Variants in PRSS57 observed in about 807,000 individuals in gnomAD.
The protein encoded by PRSS57 is serine protease 57, also known as neutrophil serine protease 4.
PRSS57 carries 19 observed loss-of-function variants against 20.6 expected under a neutral mutation model. That is an observed-to-expected ratio of 0.92 (90% CI 0.64 to 1.35). PRSS57 has a LOEUF of 1.35. Ranked by LOEUF, PRSS57 falls within the 40% of genes most tolerant of loss-of-function variation. The pLI is 0.00. For synonymous variants in PRSS57, 203 were observed against 176.6 expected (o/e 1.15, Z -1.19); for missense variants, 440 against 403.7 (o/e 1.09, Z -0.77).
intron 2 of PRSS57, among the ~76,000 whole-genome samples, chr19:692,958 C>T (rs900264314): frequency 6.6e-6 from 1 of 150,464 alleles, no homozygotes; most frequent in African/African-American, 2.4e-5. Context: ...GACGGAGTCT[C>T]GCTCTGTCAC....
rs2031450438 is a variant in PRSS57, at chr19:685,684, G to A, written c.*32C>T. 4 of 1,489,830 alleles carry A rather than the reference G, an allele frequency of 2.7e-6. No homozygotes were observed. Among genetic ancestry groups the A allele is most frequent in the Non-Finnish European group, 3.6e-6 (4 of 1,108,022 alleles). The allele number at this position is 1,489,830 out of a possible 1,614,324, so 92.3% of individuals were successfully genotyped here. A position where few individuals can be genotyped will look rare whatever the true frequency, so the allele number is the denominator to read the frequency against. On this transcript the variant is annotated 3_prime_UTR_variant, in exon 5 of 5. Coordinates refer to ENST00000329267, the MANE Select transcript of PRSS57 (RefSeq NM_001308209.2). ...CACGGAACATTCCAGGCCTGGAGCG[G>A]CCATCTCATTTGCATGCCGCAAGGT...
rs2031453097 is a variant in PRSS57, at chr19:685,740, G to A, written c.825C>T (p.Thr275=). ...SPQPGPLPGT[T]RPPGEAA ...CTCAGGCGGCTTCTCCTGGGGGCCT[G>A]GTGGTCCCAGGCAGGGGGCCGGGCT... The change falls in exon 5 of 5, where the codon ACC becomes ACT. Residue 275 remains threonine, a synonymous_variant. Transcript: ENST00000329267. 1 of 1,553,938 alleles carries A rather than the reference G, an allele frequency of 6.4e-7. No individual in the cohort carries two copies.
chr19:689,804 G>T (rs117447804), intron 3 of PRSS57, among the ~76,000 whole-genome samples: 1 of 152,086 alleles, frequency 6.6e-6, no homozygotes, highest in Admixed American at 6.6e-5. Context: ...CCGTGATCCC[G>T]ACACTTTGGG....
chr19:686,698 T>C (rs2031482712), intron 4 of PRSS57, among the ~76,000 whole-genome samples: 1 of 152,138 alleles, frequency 6.6e-6, no homozygotes. Flanking sequence ...ATACTGCTTG[T>C]ATAAATACAC....
At chr19:690,562 C>T (rs1219073560) in intron 3 of PRSS57, 2 of 261,492 alleles carry the variant, frequency 7.6e-6, no homozygotes, top group African/African-American at 2.3e-5. Context: ...GTCTCTTCTC[C>T]CTGCCCATCA....
intron 1 of PRSS57, 56 bp downstream of exon 1, chr19:695,296 G>T: frequency 2.3e-6 from 2 of 877,904 alleles, no homozygotes; most frequent in Non-Finnish European, 3.0e-6. Context: ...CCCGGGTGTG[G>T]CCCCCGTACG....
At chr19:691,645 C>A (rs879423139) in intron 3 of PRSS57, among the ~76,000 whole-genome samples, 6 of 151,730 alleles carry the variant, frequency 4.0e-5, no homozygotes, top group Non-Finnish European at 7.4e-5. Flanking sequence ...CATGGTGAAA[C>A]CCCGTCTCTA....
chr19:691,047 C>A, intron 3 of PRSS57: 1 of 312,966 alleles, frequency 3.2e-6, no homozygotes, highest in South Asian at 3.7e-5. Context: ...TCTCTAAGAC[C>A]TACAGCTGCC....
rs556263286 is a variant in PRSS57 at position 685,646 on chromosome 19, C to G, written c.*70G>C. ...CCCCAACCCTGAACATCAGGCTTCCCGTGGGGCCCAGCCACGGAACATTCC... is the reference window on the plus strand; with the variant it reads ...CCCCAACCCTGAACATCAGGCTTCCGGTGGGGCCCAGCCACGGAACATTCC... On this transcript the variant is annotated 3_prime_UTR_variant, in exon 5 of 5. Coordinates refer to ENST00000329267, the MANE Select transcript of PRSS57 (RefSeq NM_001308209.2). The G allele has an allele frequency of 4.2e-5, 59 of 1,417,766 alleles. 2 individuals carry two copies. In the East Asian group the frequency reaches 1.4e-3, roughly 33 times the overall value. 87.8% of individuals were successfully genotyped at this position (1,417,766 alleles called of 1,614,324 possible).
chr19:688,894 C>T (rs1475866088), intron 3 of PRSS57, among the ~76,000 whole-genome samples: 2 of 152,094 alleles, frequency 1.3e-5, no homozygotes, highest in Non-Finnish European at 2.9e-5. Flanking sequence ...CCACCACGCC[C>T]GGCCCCACAC....
rs1407842636 is a variant in PRSS57, at chr19:685,774, C to T, written c.791G>A (p.Ser264Asn). The T allele has an allele frequency of 6.4e-7, 1 of 1,566,074 alleles. No individual in the cohort carries two copies. Among genetic ancestry groups the T allele is most frequent in the Non-Finnish European group, 8.7e-7 (1 of 1,154,216 alleles). ...AGGCAGGGGGCCGGGCTGGGGACTG[C>T]TCCGCCGAACCACGTCCCAGATCCA... The part of the protein sequence containing the change: ...VAWIWDVVRR[S>N]SPQPGPLPGT... The change falls in exon 5 of 5, where the codon AGC becomes AAC. Residue 264 changes from serine (S) to asparagine (N), a missense_variant. Ser to Asn is a conservative substitution (Grantham distance 46). Transcript: ENST00000329267.
chr19:691,577 T>G (rs1289144309), intron 3 of PRSS57, among the ~76,000 whole-genome samples: 2 of 151,316 alleles, frequency 1.3e-5, no homozygotes, highest in Non-Finnish European at 2.9e-5. Context: ...CCCAGCCCTT[T>G]GGGAGGCCGA....
In PRSS57 at chr19:694,837, C is replaced by T. The variant is rs143020154; in HGVS notation, c.210G>A (p.Ser70=). The T allele has an allele frequency of 1.9e-5, 30 of 1,607,174 alleles. 1 individual carries two copies. Among genetic ancestry groups the T allele is most frequent in the South Asian group, 1.4e-4 (13 of 90,198 alleles). Reference sequence around the variant, plus strand: ...ACCTGTGGCTGAAGCAGTGGGCGGCCGAGACCACCCAGCGGGCTCGCAGCA... The same window carrying T: ...ACCTGTGGCTGAAGCAGTGGGCGGCTGAGACCACCCAGCGGGCTCGCAGCA... The part of the protein sequence containing the change: ...GFLLRARWVV[S]AAHCFSHRDL... Residue 70 remains serine (S), a synonymous_variant, in exon 2 of 5, where the codon TCG becomes TCA. Coordinates refer to ENST00000329267, the MANE Select transcript of PRSS57 (RefSeq NM_001308209.2).
chr19:690,203 C>CG (rs370712122), intron 3 of PRSS57: 29,155 of 151,308 alleles, frequency 0.19, 2,960 homozygotes, highest in East Asian at 0.27. Flanking sequence ...CCCAGCTACT[C>CG]GGGGGGCTGA....
intron 3 of PRSS57, among the ~76,000 whole-genome samples, chr19:688,001 T>C (rs1485657252): frequency 1.3e-5 from 2 of 152,246 alleles, no homozygotes; most frequent in Non-Finnish European, 2.9e-5. Context: ...GAGTCTTCTC[T>C]GGGCTCCCTG....
intron 2 of PRSS57, 58 bp downstream of exon 2, chr19:694,756 G>A: frequency 3.0e-5 from 46 of 1,528,080 alleles, no homozygotes; most frequent in Non-Finnish European, 4.0e-5. Flanking sequence ...CCAGCCTGGA[G>A]TCCCCCTCAT....
chr19:687,916 CTT>C (rs2031524545), intron 3 of PRSS57, among the ~76,000 whole-genome samples: 1 of 152,228 alleles, frequency 6.6e-6, no homozygotes, highest in South Asian at 2.1e-4. Context: ...GCCTGAAACA[CTT>C]TTCCTATTCA....
chr19:692,914 C>A (rs920059398), intron 2 of PRSS57, among the ~76,000 whole-genome samples: 4 of 151,188 alleles, frequency 2.6e-5, no homozygotes, highest in Non-Finnish European at 5.9e-5. Context: ...TTTCAATATT[C>A]TCCTTTTTTT....
At chr19:685,992 C>G in intron 4 of PRSS57, 70 bp from the exon 5 acceptor site, 1 of 1,333,862 alleles carries the variant, frequency 7.5e-7, no homozygotes, top group Non-Finnish European at 1.0e-6. Flanking sequence ...CACGGCCCTC[C>G]CTGCCTCAGA....
Sources: allele counts gnomAD v4.1 joint callset (sites outside exome capture counted in the v4.1 genomes callset), GRCh38; gene constraint gnomAD v4.1.1; transcripts MANE v1.5; gene names NCBI Gene and HGNC (gene_info 2026-07-23, HGNC 2026-07-21).